The following NBPF20 variants were observed in gnomAD, a reference collection of about 807,000 sequenced individuals.
NBPF20 encodes the protein NBPF member 20.
NBPF20 carries 90 observed loss-of-function variants against 68.1 expected under a neutral mutation model. That is an observed-to-expected ratio of 1.32 (90% confidence interval 1.11 to 1.58). NBPF20 has a LOEUF of 1.58. Among genes scored for constraint, NBPF20 ranks in the 40% most tolerant of loss-of-function variants. The probability of loss-of-function intolerance (pLI) is 0.00; values close to 1 mark genes in which losing one functional copy is unlikely to be tolerated. For synonymous variants in NBPF20, 290 were observed against 228.1 expected (o/e 1.27, Z -2.45); for missense variants, 816 against 601.2 (o/e 1.36, Z -3.74).
the NBPF20 span, among the ~76,000 whole-genome samples, chr1:145,411,124 A>G: frequency 6.9e-6 from 1 of 145,608 alleles, no homozygotes; most frequent in Admixed American, 6.9e-5. Flanking sequence ...CTATTTTATT[A>G]TTCTTGATCA....
chr1:145,394,726 T>C (rs1662130414), intron 8 of NBPF20, among the ~76,000 whole-genome samples: 2 of 151,868 alleles, frequency 1.3e-5, no homozygotes, highest in South Asian at 2.1e-4. Flanking sequence ...CTGCCTTGAG[T>C]TCAATGTCGT....
At chr1:145,415,415 A>G in the NBPF20 span, among the ~76,000 whole-genome samples, 1 of 151,428 alleles carries the variant, frequency 6.6e-6, no homozygotes, top group Non-Finnish European at 1.5e-5. Context: ...CCTCCTCAGC[A>G]CAGACCCTTT....
rs2101391772 is a variant in NBPF20, at chr1:145,291,855, A to G, written c.16698-86T>C. On this transcript the variant is annotated intron_variant, in intron 137 of 137. Coordinates refer to ENST00000369373, the Ensembl canonical transcript of NBPF20. ...CTAGATTTCAGAAGTCACATAAGGAAGTGGTTAGAAAAGAAAAAGGATAGA... is the reference window on the plus strand; with the variant it reads ...CTAGATTTCAGAAGTCACATAAGGAGGTGGTTAGAAAAGAAAAAGGATAGA... 6 of 1,608,184 alleles carry G rather than the reference A, an allele frequency of 3.7e-6. No individual in the cohort carries two copies. In the East Asian group the frequency reaches 1.1e-4, roughly 30 times the overall value.
At chr1:145,399,358 AT>A (rs1365249865) in intron 6 of NBPF20, among the ~76,000 whole-genome samples, 2 of 151,920 alleles carry the variant, frequency 1.3e-5, no homozygotes, top group African/African-American at 4.8e-5. Flanking sequence ...GTTAAACAAA[AT>A]TTTTTCCCCA....
intron 6 of NBPF20, 100 bp downstream of exon 11, chr1:145,400,289 G>A (rs1342236585): frequency 6.3e-7 from 1 of 1,596,150 alleles, no homozygotes; most frequent in Non-Finnish European, 8.6e-7. Flanking sequence ...ACCCATCACA[G>A]TTTTTTATTC....
chr1:145,306,308 C>A (rs1266598581), intron 119 of NBPF20, among the ~76,000 whole-genome samples: 7 of 145,568 alleles, frequency 4.8e-5, no homozygotes, highest in Non-Finnish European at 7.6e-5. Flanking sequence ...CAGACACACA[C>A]ACACACACAG....
Position 145,404,591 on chromosome 1 carries a change from T to C in NBPF20, c.175+507A>G, listed in dbSNP as rs587770028. Among the ~76,000 whole-genome samples, 13 of 152,152 alleles carry C rather than the reference T, an allele frequency of 8.5e-5. No homozygotes were observed. In the East Asian group the frequency reaches 1.7e-3, roughly 20 times the overall value. On this transcript the variant is annotated intron_variant, in intron 2 of 137. Transcript: ENST00000369373. ...TGCTCTTGATGCTGTCACTTATAGA[T>C]AGCACAGGTTCTATTAGGAGCAGAC... is the stretch of plus-strand genomic sequence containing the variant.
chr1:145,419,665 C>A, the NBPF20 span, among the ~76,000 whole-genome samples: 1 of 152,008 alleles, frequency 6.6e-6, no homozygotes, highest in African/African-American at 2.4e-5. Flanking sequence ...TCCCCCAGGA[C>A]CTGGTGGACG....
intron 136 of NBPF20, among the ~76,000 whole-genome samples, chr1:145,292,793 A>T (rs1661222440): frequency 1.2e-5 from 1 of 82,890 alleles, no homozygotes; most frequent in East Asian, 3.8e-4. Flanking sequence ...CCCTCAAATG[A>T]TTTCTAGGAG....
intron 137 of NBPF20, among the ~76,000 whole-genome samples, 179 bp from the exon 143 acceptor site, chr1:145,291,948 C>A (rs150583917): frequency 1.3e-5 from 2 of 150,720 alleles, no homozygotes; most frequent in South Asian, 2.1e-4. Flanking sequence ...AGGTAGAAAA[C>A]AATGAAAGAG....
chr1:145,400,185 G>C (rs1354774714), intron 6 of NBPF20, among the ~76,000 whole-genome samples: 5 of 152,180 alleles, frequency 3.3e-5, no homozygotes, highest in South Asian at 4.1e-4. Flanking sequence ...TGTCACACTT[G>C]CCTGGGGTTG....
At position 145,401,058 on chromosome 1, in the gene NBPF20, C is replaced by T. The variant is rs1662499597; in HGVS notation, c.566+1G>A. ...AATTGTTCCTGAGTATTCAGTGTTA[C>T]CTGGGGGCAGACGATTTCTGCACTT... On this transcript the variant is annotated splice_donor_variant, in intron 5 of 137. Transcript: ENST00000369373. LOFTEE classifies it high-confidence loss of function. The T allele has an allele frequency of 2.5e-6, 4 of 1,606,788 alleles. No homozygotes were observed. The highest frequency in any genetic ancestry group is 1.1e-5 in the South Asian group (1 of 90,964).
At chr1:145,411,091 A>G in the NBPF20 span, among the ~76,000 whole-genome samples, 3 of 146,360 alleles carry the variant, frequency 2.0e-5, no homozygotes, top group East Asian at 2.0e-4. Flanking sequence ...GAATTCATTC[A>G]CCATTATTCT....
chr1:145,334,756 T>G (rs1249878790), intron 83 of NBPF20, 125 bp from the exon 89 acceptor site: 1 of 582,704 alleles, frequency 1.7e-6, no homozygotes, highest in Non-Finnish European at 3.0e-6. Context: ...ATTAATGAGG[T>G]AATGAATTAT....
chr1:145,291,816 A>G, intron 137 of NBPF20, 47 bp from the exon 143 acceptor site: 1 of 1,611,916 alleles, frequency 6.2e-7, no homozygotes, highest in Non-Finnish European at 8.5e-7. Flanking sequence ...AAAATCAGAA[A>G]CCACAGAGCC....
rs1258280747 is a variant in NBPF20, at chr1:145,366,601, C to A, written c.5154-249G>T. 7.9e-4 allele frequency among the ~76,000 whole-genome samples: 76 copies of A among 96,074 alleles called. 4 individuals are homozygous for A. Among genetic ancestry groups the A allele is most frequent in the African/African-American group, 3.1e-3 (71 of 22,560 alleles). The allele number at this position is 96,074 out of a possible 152,430, so 63.0% of individuals were successfully genotyped here. On this transcript the variant is annotated intron_variant, in intron 43 of 137. Coordinates refer to ENST00000369373, the Ensembl canonical transcript of NBPF20. ...ACACACACACACACAGACACACACA[C>A]ACACACAGAGAGAACGAGCTCAGTG...
At chr1:145,395,065 G>A in exon 8 of NBPF20, 3 of 1,611,014 alleles carry the variant, frequency 1.9e-6, no homozygotes, top group African/African-American at 1.3e-5. Context: ...AACATTTCAG[G>A]AGGAATTGAG....
intron 43 of NBPF20, among the ~76,000 whole-genome samples, chr1:145,366,636 G>C (rs1180953790): frequency 1.5e-5 from 1 of 67,284 alleles, no homozygotes; most frequent in Non-Finnish European, 2.8e-5. Context: ...GAATTGTCCA[G>C]GTGACACACT....
chr1:145,407,524 CGT>C (rs1481339294), upstream of NBPF20, among the ~76,000 whole-genome samples: 259 of 144,350 alleles, frequency 1.8e-3, 2 homozygotes, highest in Non-Finnish European at 3.0e-3. Flanking sequence ...TATATACATA[CGT>C]GTATATATAT....
Sources: gnomAD v4.1 joint callset for allele counts (sites outside exome capture counted in the v4.1 genomes callset) on GRCh38, gnomAD v4.1.1 for gene constraint, MANE v1.5 for transcripts, NCBI Gene and HGNC (gene_info 2026-07-23, HGNC 2026-07-21) for gene names.